The following SCG5 variants were observed in gnomAD, a reference collection of about 807,000 sequenced individuals.
The protein encoded by SCG5 is neuroendocrine protein 7B2.
SCG5 carries 18 observed loss-of-function variants against 25.7 expected under a neutral mutation model. The ratio of observed to expected loss-of-function variants is 0.70; its 90% CI spans 0.48 to 1.04. SCG5 has a LOEUF of 1.04. Ranked by LOEUF, SCG5 falls within the 50% of genes least tolerant of loss-of-function variation. SCG5 has a pLI of 0.00. For missense variants in SCG5, 206 were observed against 259.8 expected (o/e 0.79, Z 1.42); for synonymous variants, 101 against 91.7 (o/e 1.10, Z -0.58).
chr15:32,689,057 T>C (rs1003947014), intron 4 of SCG5, among the ~76,000 whole-genome samples: 1 of 151,604 alleles, frequency 6.6e-6, no homozygotes, highest in Non-Finnish European at 1.5e-5. Flanking sequence ...CCAACAAATA[T>C]AACATCCATT....
chr15:32,696,479 C>A, intron 5 of SCG5, 35 bp from the exon 6 acceptor site: 1 of 1,466,378 alleles, frequency 6.8e-7, no homozygotes, highest in Non-Finnish European at 9.5e-7. Context: ...ACATATAACA[C>A]CAAACCACAT....
intron 2 of SCG5, among the ~76,000 whole-genome samples, chr15:32,662,864 T>A (rs1158087546): frequency 1.3e-5 from 2 of 151,240 alleles, no homozygotes; most frequent in African/African-American, 4.9e-5. Context: ...AGCGGAGAGC[T>A]GGGGAGAGTA....
intron 3 of SCG5, among the ~76,000 whole-genome samples, chr15:32,682,622 C>T (rs1015279418): frequency 1.3e-5 from 2 of 152,220 alleles, no homozygotes; most frequent in Non-Finnish European, 2.9e-5. Flanking sequence ...AGGTTGTCTG[C>T]CATTTCCTTT....
At chr15:32,649,856 A>G (rs920247437) in intron 2 of SCG5, among the ~76,000 whole-genome samples, 5 of 152,220 alleles carry the variant, frequency 3.3e-5, no homozygotes, top group Admixed American at 6.5e-5. Flanking sequence ...TTTTCTAGCT[A>G]TGTGTAATCC....
chr15:32,691,724 T>A lies in SCG5; in HGVS notation c.504T>A (p.Leu168=). 4.3e-6 allele frequency: 7 copies of A among 1,610,554 alleles called. No individual in the cohort carries two copies. Among genetic ancestry groups the A allele is most frequent in the Non-Finnish European group, 5.9e-6 (7 of 1,178,696 alleles). The part of the protein sequence containing the change: ...PGLGKWNKKL[L]YEKMKGGERR... ...CCCCATTCTAGAACAAGAAACTCCT[T>A]TACGAGAAGATGAAGGGAGGAGAGA... The change falls in exon 5 of 6, where the codon CTT becomes CTA. Residue 168 remains leucine, a synonymous_variant. Transcript: ENST00000300175.
chr15:32,647,466 A>G (rs1398841502), intron 2 of SCG5, among the ~76,000 whole-genome samples: 1 of 152,250 alleles, frequency 6.6e-6, no homozygotes, highest in African/African-American at 2.4e-5. Flanking sequence ...TAGTATCAGT[A>G]TAAATTAATG....
intron 3 of SCG5, among the ~76,000 whole-genome samples, chr15:32,680,531 A>G (rs944793239): frequency 2.6e-5 from 4 of 151,884 alleles, no homozygotes; most frequent in East Asian, 1.9e-4. Context: ...AAGGGGAAAC[A>G]CTTTTTTTTC....
At chr15:32,695,633 G>A (rs1014022296) in intron 5 of SCG5, among the ~76,000 whole-genome samples, 8 of 151,934 alleles carry the variant, frequency 5.3e-5, no homozygotes, top group African/African-American at 1.9e-4. Flanking sequence ...ATGATCACTC[G>A]AGCCCCTAAT....
At chr15:32,680,276 C>T (rs528269667) in intron 3 of SCG5, among the ~76,000 whole-genome samples, 2 of 150,016 alleles carry the variant, frequency 1.3e-5, no homozygotes, top group Non-Finnish European at 3.0e-5. Flanking sequence ...GTGCACTGCA[C>T]GCTCCGCCTC....
chr15:32,667,741 C>T (rs913502736), intron 2 of SCG5, among the ~76,000 whole-genome samples: 13 of 151,016 alleles, frequency 8.6e-5, no homozygotes, highest in South Asian at 4.2e-4. Flanking sequence ...GGCACAGTCT[C>T]GGCTCACTGC....
intron 3 of SCG5, among the ~76,000 whole-genome samples, chr15:32,682,471 AC>A (rs2054637000): frequency 1.3e-5 from 2 of 152,182 alleles, no homozygotes; most frequent in African/African-American, 4.8e-5. Flanking sequence ...TTGTCTGAAA[AC>A]AAAAACAATA....
intron 2 of SCG5, among the ~76,000 whole-genome samples, chr15:32,661,002 CA>C (rs1441100869): frequency 1.3e-5 from 2 of 152,144 alleles, no homozygotes; most frequent in Non-Finnish European, 2.9e-5. Context: ...AAAGGAAATA[CA>C]AAATTGAGTA....
intron 4 of SCG5, among the ~76,000 whole-genome samples, chr15:32,685,740 G>A (rs1483617946): frequency 6.6e-6 from 1 of 152,210 alleles, no homozygotes. Context: ...AGATGCTGAA[G>A]CCATGGGAGA....
intron 1 of SCG5, 105 bp from the exon 2 acceptor site, chr15:32,643,481 T>C (rs2053897418): frequency 2.3e-6 from 2 of 854,812 alleles, no homozygotes; most frequent in South Asian, 3.0e-5. Flanking sequence ...AACCCCTTTC[T>C]GGGTGGTCCT....
At chr15:32,644,957 A>G (rs2053919534) in intron 2 of SCG5, among the ~76,000 whole-genome samples, 1 of 152,220 alleles carries the variant, frequency 6.6e-6, no homozygotes, top group Non-Finnish European at 1.5e-5. Context: ...GTTTTAAGCC[A>G]TTGAGTAAAA....
chr15:32,675,827 A>G (rs2054520991), intron 2 of SCG5, among the ~76,000 whole-genome samples: 1 of 152,186 alleles, frequency 6.6e-6, no homozygotes. Context: ...GCCTACATTT[A>G]TCTGGTTCAT....
At chr15:32,659,459 T>C (rs1396432544) in intron 2 of SCG5, among the ~76,000 whole-genome samples, 2 of 152,238 alleles carry the variant, frequency 1.3e-5, no homozygotes, top group Non-Finnish European at 2.9e-5. Context: ...GCTTTTGGTC[T>C]GACCAAGACA....
intron 2 of SCG5, among the ~76,000 whole-genome samples, chr15:32,648,714 G>C (rs1053166910): frequency 2.6e-5 from 4 of 151,590 alleles, no homozygotes; most frequent in African/African-American, 4.8e-5. Context: ...CACTCAGAGA[G>C]GGCTGCCTGA....
intron 2 of SCG5, among the ~76,000 whole-genome samples, chr15:32,658,876 C>G (rs1036759350): frequency 1.3e-5 from 2 of 152,146 alleles, no homozygotes; most frequent in Non-Finnish European, 2.9e-5. Context: ...TCACTCAGCA[C>G]TTAACAACTG....
Sources: gnomAD v4.1 joint callset for allele counts (sites outside exome capture counted in the v4.1 genomes callset) on GRCh38, gnomAD v4.1.1 for gene constraint, MANE v1.5 for transcripts, NCBI Gene and HGNC (gene_info 2026-07-23, HGNC 2026-07-21) for gene names.